Variants in CNKSR3 observed in about 807,000 individuals in gnomAD.
CNKSR3 encodes CNKSR family member 3.
CNKSR3 carries 36 observed loss-of-function variants against 67.7 expected under a neutral mutation model. The ratio of observed to expected loss-of-function variants is 0.53; its 90% CI spans 0.41 to 0.70. CNKSR3 has a LOEUF of 0.70. Among genes scored for constraint, CNKSR3 ranks in the 30% least tolerant of loss-of-function variants. The pLI is 0.00. For synonymous variants in CNKSR3, 281 were observed against 271.4 expected (o/e 1.04, Z -0.35); for missense variants, 630 against 695.2 (o/e 0.91, Z 1.05).
chr6:154,487,109 A>G (rs1365140355), intron 1 of CNKSR3, among the ~76,000 whole-genome samples: 3 of 152,306 alleles, frequency 2.0e-5, no homozygotes, highest in Non-Finnish European at 4.4e-5. Flanking sequence ...ACACCATTTC[A>G]TATTAACACA....
In CNKSR3 at chr6:154,405,936, A is replaced by G. The variant is rs1231597018; in HGVS notation, c.*418T>C. 2 of 162,184 alleles carry G rather than the reference A, an allele frequency of 1.2e-5. No individual in the cohort carries two copies. The highest frequency in any genetic ancestry group is 2.7e-5 in the Non-Finnish European group (2 of 74,644). The allele number at this position is 162,184 out of a possible 1,614,324, so 10.0% of individuals were successfully genotyped here. On this transcript the variant is annotated 3_prime_UTR_variant, in exon 13 of 13. Coordinates refer to ENST00000607772, the MANE Select transcript of CNKSR3 (RefSeq NM_173515.4). ...AAAATGTTTTCTCACTGGCTTTTTC[A>G]GATAAAGAAGTTGGACCACAAACCA... is the stretch of plus-strand genomic sequence containing the variant.
intron 12 of CNKSR3, 115 bp from the exon 13 acceptor site, chr6:154,406,767 A>G (rs1784802172): frequency 1.2e-6 from 1 of 862,276 alleles, no homozygotes; most frequent in South Asian, 1.8e-5. Flanking sequence ...CAAGAGATCT[A>G]GACCATCCTG....
Position 154,442,072 on chromosome 6 carries a change from C to A in CNKSR3, c.419+16G>T. The A allele has an allele frequency of 6.3e-7, 1 of 1,586,084 alleles. No individual in the cohort carries two copies. The highest frequency in any genetic ancestry group is 8.6e-7 in the Non-Finnish European group (1 of 1,163,196). On this transcript the variant is annotated intron_variant, in intron 3 of 12. Transcript: ENST00000607772. Reference sequence around the variant, plus strand: ...TCTACTCTTGCAGGGCAGTAAAAGGCACATCTCCAACTTACCGGTCCAGCC... The same window carrying A: ...TCTACTCTTGCAGGGCAGTAAAAGGAACATCTCCAACTTACCGGTCCAGCC...
In CNKSR3 at chr6:154,406,239, AG is replaced by A. The variant is rs1256515631; in HGVS notation, c.*114del. 2.9e-5 allele frequency: 28 copies of A among 980,788 alleles called. No individual in the cohort carries two copies. The African/African-American group carries it at 4.4e-4, about 16-fold the overall frequency. The allele number at this position is 980,788 out of a possible 1,614,324, so 60.8% of individuals were successfully genotyped here. A position where few individuals can be genotyped will look rare whatever the true frequency, so the allele number is the denominator to read the frequency against. On this transcript the variant is annotated 3_prime_UTR_variant, in exon 13 of 13. Coordinates refer to ENST00000607772, the MANE Select transcript of CNKSR3 (RefSeq NM_173515.4). The stretch of plus-strand genomic sequence containing the variant: ...CAGTAGATAACTTTTCAAAAGAAAA[AG>A]AAATTGCATAAGGTCCCTACATAAT...
Position 154,510,137 on chromosome 6 carries a change from T to C in CNKSR3, c.-23A>G, listed in dbSNP as rs1261095068. 3.1e-6 allele frequency: 5 copies of C among 1,613,960 alleles called. 1 individual carries two copies. The highest frequency in any genetic ancestry group is 1.7e-4 in the Middle Eastern group (1 of 6,060). On this transcript the variant is annotated 5_prime_UTR_variant, in exon 1 of 13. Transcript: ENST00000607772. ...CATGGTAAACCGCTTCGCCTCTCGC[T>C]GGGCTGGAGAGTCGCAGATAAAGTG...
chr6:154,475,955 T>C lies in CNKSR3; in HGVS notation c.53-25697A>G, dbSNP rs566909099. Among the ~76,000 whole-genome samples the C allele has an allele frequency of 2.4e-3, 372 of 151,966 alleles. 4 individuals are homozygous for C. The South Asian group carries it at 0.035, about 14-fold the overall frequency. ...AGCCAGGGGACCTCTAGGCAAACAG[T>C]GTAAGAAGGCTTGGGGGTGTTGTTT... On this transcript the variant is annotated intron_variant, in intron 1 of 12. Transcript: ENST00000607772.
chr6:154,474,931 G>A (rs1035514013), intron 1 of CNKSR3, among the ~76,000 whole-genome samples: 3 of 152,172 alleles, frequency 2.0e-5, no homozygotes, highest in Admixed American at 6.5e-5. Flanking sequence ...CAGAGACTGC[G>A]GGCCTCAGGA....
chr6:154,425,129 C>T (rs566819977), intron 7 of CNKSR3, among the ~76,000 whole-genome samples: 5 of 152,302 alleles, frequency 3.3e-5, no homozygotes, highest in South Asian at 2.1e-4. Context: ...CTTTTTGTCC[C>T]TGTGTGCCAG....
intron 2 of CNKSR3, among the ~76,000 whole-genome samples, chr6:154,446,802 CTTT>C (rs765120948): frequency 8.3e-5 from 10 of 120,328 alleles, no homozygotes; most frequent in African/African-American, 2.4e-4. Flanking sequence ...TCATACTTAT[CTTT>C]TTTTTTTTTT....
At chr6:154,496,388 G>A (rs567021962) in intron 1 of CNKSR3, among the ~76,000 whole-genome samples, 2 of 142,666 alleles carry the variant, frequency 1.4e-5, no homozygotes, top group African/African-American at 2.5e-5. Context: ...CCACATTTCC[G>A]TTTAAGGCTT....
intron 5 of CNKSR3, among the ~76,000 whole-genome samples, chr6:154,430,995 A>T (rs1289451744): frequency 6.6e-6 from 1 of 151,926 alleles, no homozygotes; most frequent in Non-Finnish European, 1.5e-5. Context: ...CATTTTTTCA[A>T]TGGACTTTAC....
chr6:154,501,224 T>G (rs1179409254), intron 1 of CNKSR3, among the ~76,000 whole-genome samples: 1 of 152,210 alleles, frequency 6.6e-6, no homozygotes, highest in Non-Finnish European at 1.5e-5. Context: ...AGGCTGAAAC[T>G]GCCAACACCT....
At chr6:154,437,538 C>T (rs1453766462) in intron 4 of CNKSR3, among the ~76,000 whole-genome samples, 1 of 151,530 alleles carries the variant, frequency 6.6e-6, no homozygotes, top group African/African-American at 2.4e-5. Context: ...CTTAGCCTCC[C>T]AAGTAGCTGG....
chr6:154,406,379 G>T lies in CNKSR3; in HGVS notation c.1643C>A (p.Thr548Lys). 1 of 1,613,568 alleles carries T rather than the reference G, an allele frequency of 6.2e-7. No homozygotes were observed. Among genetic ancestry groups the T allele is most frequent in the Non-Finnish European group, 8.5e-7 (1 of 1,179,876 alleles). Residue 548 changes from threonine (T) to lysine (K), a missense_variant, in exon 13 of 13, where the codon ACG (threonine) becomes AAG (lysine). By Grantham distance (78) the Thr-to-Lys change is moderately conservative. Transcript: ENST00000607772. Reference sequence around the variant, plus strand: ...TCAGTGAGTCAACAGTTTGAGGCGCGTAAACCAGCTGACCAGGAGGGACGG... The same window carrying T: ...TCAGTGAGTCAACAGTTTGAGGCGCTTAAACCAGCTGACCAGGAGGGACGG... ...TEPSLLVSWF[T>K]RLKLLTH
chr6:154,487,520 C>T lies in CNKSR3; in HGVS notation c.52+22543G>A, dbSNP rs537346440. Among the ~76,000 whole-genome samples, 3 of 152,258 alleles carry T rather than the reference C, an allele frequency of 2.0e-5. No homozygotes were observed. The East Asian group carries it at 5.8e-4, about 29-fold the overall frequency. ...GGGCAGCTCCTGAACAGCCCTGGTT[C>T]TCCAGTACTGTGTCACCCTGCAGCA... On this transcript the variant is annotated intron_variant, in intron 1 of 12. Coordinates refer to ENST00000607772, the MANE Select transcript of CNKSR3 (RefSeq NM_173515.4).
In CNKSR3 at chr6:154,442,145, A is replaced by G. The variant is rs1785606874; in HGVS notation, c.362T>C (p.Leu121Pro). The G allele has an allele frequency of 6.2e-7, 1 of 1,614,112 alleles. No homozygotes were observed. The change falls in exon 3 of 13, where the codon CTG (leucine) becomes CCG (proline). Residue 121 changes from leucine to proline, a missense_variant. By Grantham distance (98) the Leu-to-Pro change is moderately conservative (BLOSUM62 -3). Coordinates refer to ENST00000607772, the MANE Select transcript of CNKSR3 (RefSeq NM_173515.4). ...GCCGATGAGCTCCACCACCGAGGTC[A>G]GGAACTCATTGGGGGCCTTGCGGGA... ...NTSRKAPNEF[L>P]TSVVELIGAA...
intron 1 of CNKSR3, 58 bp from the exon 2 acceptor site, chr6:154,450,316 G>A (rs1280204301): frequency 1.6e-5 from 25 of 1,521,300 alleles, no homozygotes; most frequent in Non-Finnish European, 2.0e-5. Context: ...CCCACCCCCT[G>A]CAAACTGCCC....
chr6:154,500,638 A>G (rs1786977529), intron 1 of CNKSR3, among the ~76,000 whole-genome samples: 1 of 152,212 alleles, frequency 6.6e-6, no homozygotes, highest in Non-Finnish European at 1.5e-5. Context: ...ATTTCTCAAA[A>G]TGCCATCTAT....
intron 1 of CNKSR3, among the ~76,000 whole-genome samples, chr6:154,481,784 C>G (rs1786572815): frequency 6.6e-6 from 1 of 152,168 alleles, no homozygotes; most frequent in South Asian, 2.1e-4. Flanking sequence ...TCCTCTTTTT[C>G]TAAATAACGT....
Sources: gnomAD v4.1 joint callset for allele counts (sites outside exome capture counted in the v4.1 genomes callset) on GRCh38, gnomAD v4.1.1 for gene constraint, MANE v1.5 for transcripts, NCBI Gene and HGNC (gene_info 2026-07-23, HGNC 2026-07-21) for gene names.